RBFOX1: variants seen among roughly 807,000 people sequenced by gnomAD.
RBFOX1 encodes the protein RNA binding protein fox-1 homolog 1.
RBFOX1 carries 8 observed loss-of-function variants against 57.7 expected under a neutral mutation model. The ratio of observed to expected loss-of-function variants is 0.14; its 90% CI spans 0.08 to 0.25. The LOEUF is 0.25. RBFOX1 is among the 10% of genes least tolerant of loss of function. The pLI is 1.00. For missense variants in RBFOX1, 611 were observed against 548.5 expected, an observed-to-expected ratio of 1.11 and a Z score of -1.14; for synonymous variants, 326 against 222.4, an observed-to-expected ratio of 1.47 and a Z score of -4.15.
chr16:6,733,440 A>T (rs1457218485), intron 3 of RBFOX1, among the ~76,000 whole-genome samples: 2 of 152,236 alleles, frequency 1.3e-5, no homozygotes, highest in African/African-American at 2.4e-5. Context: ...GCCTTCCTGA[A>T]AATTAAATTA....
intron 12 of RBFOX1, among the ~76,000 whole-genome samples, 172 bp downstream of exon 12, chr16:7,654,119 T>C (rs772425240): frequency 1.6e-4 from 24 of 152,122 alleles, no homozygotes; most frequent in Non-Finnish European, 2.1e-4. Flanking sequence ...GCTAAGAGTA[T>C]TGAAAAATGA....
intron 2 of RBFOX1, among the ~76,000 whole-genome samples, chr16:6,393,274 C>T (rs966826322): frequency 2.6e-5 from 4 of 152,118 alleles, no homozygotes; most frequent in Admixed American, 2.6e-4. Context: ...TTTTAAGAAA[C>T]TCAATCACAA....
At chr16:5,671,182 A>G (rs539504513) in intron 3 of RBFOX1, among the ~76,000 whole-genome samples, 1 of 152,348 alleles carries the variant, frequency 6.6e-6, no homozygotes, top group Non-Finnish European at 1.5e-5. Flanking sequence ...TTTCTAACTT[A>G]AGCTAGGAGG....
intron 3 of RBFOX1, among the ~76,000 whole-genome samples, chr16:7,039,615 A>G (rs1448448374): frequency 2.0e-5 from 3 of 151,950 alleles, no homozygotes; most frequent in Non-Finnish European, 4.4e-5. Context: ...AAAAGTAACA[A>G]CCGCCATGAC....
chr16:7,239,513 A>ATAAG (rs1290824326), intron 4 of RBFOX1, among the ~76,000 whole-genome samples: 1 of 152,178 alleles, frequency 6.6e-6, no homozygotes, highest in Non-Finnish European at 1.5e-5. Context: ...AAATAAATAA[A>ATAAG]TAAAAATTGG....
intron 2 of RBFOX1, among the ~76,000 whole-genome samples, chr16:6,649,524 C>G (rs980453474): frequency 4.6e-5 from 7 of 152,240 alleles, no homozygotes; most frequent in Non-Finnish European, 8.8e-5. Context: ...CTCCCCGACA[C>G]TTTCCCCTGA....
intron 5 of RBFOX1, among the ~76,000 whole-genome samples, chr16:7,527,839 C>G (rs2079046246): frequency 6.6e-6 from 1 of 152,114 alleles, no homozygotes; most frequent in South Asian, 2.1e-4. Flanking sequence ...CTCCTTGGTT[C>G]CGAGTTCTTC....
rs2095711137 is a variant in RBFOX1 at position 6,063,203 on chromosome 16, GAGCAGC to G, written c.-127+43213_-127+43218del. On this transcript the variant is annotated intron_variant, in intron 1 of 15. Coordinates refer to ENST00000550418, the MANE Select transcript of RBFOX1 (RefSeq NM_018723.4). The stretch of plus-strand genomic sequence containing the variant: ...CATCTTGATGAGCTTGATCACTTTG[GAGCAGC>G]AAGAGGGAAAGAAAACTATCAAGGC... Among the ~76,000 whole-genome samples the G allele has an allele frequency of 2.0e-5, 3 of 151,910 alleles. No homozygotes were observed. The South Asian group carries it at 6.2e-4, about 32-fold the overall frequency.
chr16:6,923,892 C>G (rs115539801), intron 3 of RBFOX1, among the ~76,000 whole-genome samples: 31 of 152,044 alleles, frequency 2.0e-4, no homozygotes, highest in Non-Finnish European at 4.0e-4. Flanking sequence ...ACCTGAAGGT[C>G]AGTTGTGGTG....
intron 2 of RBFOX1, among the ~76,000 whole-genome samples, chr16:6,472,002 T>A (rs1433520516): frequency 1.3e-5 from 2 of 152,196 alleles, no homozygotes; most frequent in African/African-American, 2.4e-5. Flanking sequence ...TATCTCCTTG[T>A]CTCTCCACCT....
At chr16:7,286,026 GTA>G (rs2095644619) in intron 4 of RBFOX1, among the ~76,000 whole-genome samples, 1 of 152,106 alleles carries the variant, frequency 6.6e-6, no homozygotes, top group South Asian at 2.1e-4. Flanking sequence ...CTGCTTGTTT[GTA>G]TCTTTAATCA....
chr16:6,131,547 C>G (rs1364724906), intron 1 of RBFOX1, among the ~76,000 whole-genome samples: 1 of 152,188 alleles, frequency 6.6e-6, no homozygotes, highest in Non-Finnish European at 1.5e-5. Flanking sequence ...AGGGAAGCAT[C>G]TCCAATCTAT....
At chr16:6,318,444 G>C (rs1476532340) in intron 2 of RBFOX1, among the ~76,000 whole-genome samples, 1 of 152,216 alleles carries the variant, frequency 6.6e-6, no homozygotes, top group South Asian at 2.1e-4. Flanking sequence ...ATCTTTTTCT[G>C]TTTAAAGCAG....
chr16:5,950,863 G>C (rs2059505859), intron 4 of RBFOX1, among the ~76,000 whole-genome samples: 1 of 152,144 alleles, frequency 6.6e-6, no homozygotes, highest in Non-Finnish European at 1.5e-5. Flanking sequence ...TGCCAGGAGA[G>C]AGGGAGCTAG....
chr16:6,309,515 A>G (rs566987853), intron 1 of RBFOX1, among the ~76,000 whole-genome samples: 1 of 152,276 alleles, frequency 6.6e-6, no homozygotes, highest in Non-Finnish European at 1.5e-5. Context: ...CTGGTGGCAG[A>G]GTGCGCCTGA....
chr16:7,106,380 G>A (rs1045958685), intron 4 of RBFOX1, among the ~76,000 whole-genome samples: 1 of 152,058 alleles, frequency 6.6e-6, no homozygotes, highest in African/African-American at 2.4e-5. Flanking sequence ...GAGTCAGATT[G>A]AAAAATATTT....
intron 2 of RBFOX1, among the ~76,000 whole-genome samples, chr16:6,487,689 AAAAAAAAAAAAATATATATATATATAT>A (rs2095523900): frequency 6.0e-4 from 7 of 11,676 alleles, no homozygotes; most frequent in African/African-American, 1.4e-3. Flanking sequence ...AAAAAAAAAA[AAAAAAAAAAAAATATATATATATATAT>A]ATATATATAT....
intron 4 of RBFOX1, among the ~76,000 whole-genome samples, chr16:7,475,625 T>A (rs2151054468): frequency 6.6e-6 from 1 of 152,286 alleles, no homozygotes. Flanking sequence ...ATGGGCATTC[T>A]TGTAGAGAGA....
At chr16:6,613,757 C>G (rs978452154) in intron 2 of RBFOX1, among the ~76,000 whole-genome samples, 9 of 152,062 alleles carry the variant, frequency 5.9e-5, no homozygotes, top group African/African-American at 1.7e-4. Flanking sequence ...GCCAACATGG[C>G]GAAACCCCAT....
Sources: gnomAD v4.1 joint callset for allele counts (sites outside exome capture counted in the v4.1 genomes callset) on GRCh38, gnomAD v4.1.1 for gene constraint, MANE v1.5 for transcripts, NCBI Gene and HGNC (gene_info 2026-07-23, HGNC 2026-07-21) for gene names.